CFAP58: variants seen among roughly 807,000 people sequenced by gnomAD.
CFAP58 encodes the protein cilia and flagella associated protein 58.
Under a neutral mutation model 119.5 loss-of-function variants are expected in CFAP58, and 88 were observed. The observed-to-expected ratio is 0.74, with a 90% CI of 0.62 to 0.88. The LOEUF is 0.88. CFAP58 is among the 40% of genes least tolerant of loss of function. The pLI, the probability that CFAP58 is intolerant of heterozygous loss-of-function variation, is 0.00. For missense variants in CFAP58, 990 were observed against 1,021.2 expected (o/e 0.97, Z 0.42); for synonymous variants, 365 against 366.3 (o/e 1.00, Z 0.04).
intron 15 of CFAP58, among the ~76,000 whole-genome samples, chr10:104,444,474 TGGG>T (rs1162760915): frequency 2.6e-5 from 4 of 152,232 alleles, no homozygotes; most frequent in Non-Finnish European, 5.9e-5. Context: ...TGTCTCTAAA[TGGG>T]GTTATTATAC....
At chr10:104,353,640 T>G, upstream of CFAP58, 2 of 489,834 alleles carry the variant, frequency 4.1e-6, no homozygotes, top group Non-Finnish European at 7.4e-6. Flanking sequence ...CTCCGCCCCA[T>G]TGGGATATAT....
intron 7 of CFAP58, among the ~76,000 whole-genome samples, chr10:104,375,084 G>A (rs1424719468): frequency 6.6e-6 from 1 of 151,518 alleles, no homozygotes; most frequent in African/African-American, 2.4e-5. Flanking sequence ...AACACCAAAT[G>A]TTGAAACCAT....
chr10:104,440,727 A>G (rs2013023156), intron 15 of CFAP58, among the ~76,000 whole-genome samples: 1 of 152,218 alleles, frequency 6.6e-6, no homozygotes, highest in Non-Finnish European at 1.5e-5. Flanking sequence ...GATTAACTTC[A>G]AGTGGCTTTA....
At chr10:104,447,571 A>C in intron 15 of CFAP58, 127 bp from the exon 16 acceptor site, 9 of 1,068,306 alleles carry the variant, frequency 8.4e-6, no homozygotes, top group Non-Finnish European at 1.1e-5. Context: ...CTGTGAGTGA[A>C]TGTGATCACT....
chr10:104,450,850 G>T (rs2013184936), intron 17 of CFAP58, among the ~76,000 whole-genome samples: 1 of 151,984 alleles, frequency 6.6e-6, no homozygotes, highest in African/African-American at 2.4e-5. Context: ...TGCCTGCCTA[G>T]GTTTTTAGAT....
chr10:104,342,717 T>C, the CFAP58 span, among the ~76,000 whole-genome samples: 3 of 148,906 alleles, frequency 2.0e-5, no homozygotes, highest in African/African-American at 4.9e-5. Context: ...TGGTGGTGCG[T>C]GCCTGTAATT....
At chr10:104,432,507 C>CTTT (rs747229634) in intron 15 of CFAP58, among the ~76,000 whole-genome samples, 1 of 143,654 alleles carries the variant, frequency 7.0e-6, no homozygotes, top group Non-Finnish European at 1.5e-5. Flanking sequence ...GTAATAGGCA[C>CTTT]TTTTTTTTTT....
At chr10:104,400,446 C>G (rs908573917) in intron 12 of CFAP58, among the ~76,000 whole-genome samples, 1 of 152,142 alleles carries the variant, frequency 6.6e-6, no homozygotes, top group Admixed American at 6.5e-5. Flanking sequence ...TGTACCCAGC[C>G]TTGGACTACT....
chr10:104,455,055 AC>A lies in CFAP58; in HGVS notation c.*526del, dbSNP rs1564909975. On this transcript the variant is annotated 3_prime_UTR_variant, in exon 18 of 18. Coordinates refer to ENST00000369704, the MANE Select transcript of CFAP58 (RefSeq NM_001008723.2). ...GGGAAAATCTATTCCAAAGAGACACACTAATAAATACTTCATTATAAAAAAT... is the reference window on the plus strand; with the variant it reads ...GGGAAAATCTATTCCAAAGAGACACATAATAAATACTTCATTATAAAAAAT... 2 of 152,260 alleles carry A rather than the reference AC, an allele frequency of 1.3e-5. No individual in the cohort carries two copies. The highest frequency in any genetic ancestry group is 4.8e-5 in the African/African-American group (2 of 41,466). The allele number at this position is 152,260 out of a possible 1,614,324, so 9.4% of individuals were successfully genotyped here.
At chr10:104,395,901 C>T (rs555826580) in intron 11 of CFAP58, among the ~76,000 whole-genome samples, 13 of 152,330 alleles carry the variant, frequency 8.5e-5, no homozygotes, top group Middle Eastern at 3.4e-3. Context: ...GATAGGCAAA[C>T]GACTGTCTTT....
intron 15 of CFAP58, among the ~76,000 whole-genome samples, chr10:104,437,685 T>A (rs1358085533): frequency 6.6e-6 from 1 of 152,122 alleles, no homozygotes; most frequent in Admixed American, 6.5e-5. Flanking sequence ...TGAACAAGTA[T>A]AAGTATAGGC....
At chr10:104,416,932 T>A (rs2012563613) in intron 15 of CFAP58, among the ~76,000 whole-genome samples, 1 of 152,240 alleles carries the variant, frequency 6.6e-6, no homozygotes, top group Non-Finnish European at 1.5e-5. Flanking sequence ...TGGTCATTCA[T>A]GGAGAAACTT....
At chr10:104,452,870 T>C (rs1248492175) in intron 17 of CFAP58, among the ~76,000 whole-genome samples, 1 of 152,156 alleles carries the variant, frequency 6.6e-6, no homozygotes, top group East Asian at 1.9e-4. Context: ...GTTCCTTTGG[T>C]GGTTCCATCT....
intron 15 of CFAP58, among the ~76,000 whole-genome samples, chr10:104,441,148 G>A (rs566159463): frequency 1.1e-3 from 164 of 152,242 alleles, no homozygotes; most frequent in Non-Finnish European, 2.1e-3. Flanking sequence ...GATTACAGGC[G>A]CCTGCCACCA....
chr10:104,421,891 G>A (rs923009204), intron 15 of CFAP58, among the ~76,000 whole-genome samples: 1 of 152,120 alleles, frequency 6.6e-6, no homozygotes, highest in Non-Finnish European at 1.5e-5. Context: ...TTTTACTTTA[G>A]ACTTAAATTT....
At chr10:104,370,746 C>T (rs1589911776) in intron 6 of CFAP58, 149 bp from the exon 7 acceptor site, 1 of 604,742 alleles carries the variant, frequency 1.7e-6, no homozygotes, top group South Asian at 3.4e-5. Flanking sequence ...TCTCTCAAAA[C>T]CAAATTGTGT....
chr10:104,379,621 G>T (rs564192477), intron 8 of CFAP58, among the ~76,000 whole-genome samples: 10 of 152,152 alleles, frequency 6.6e-5, no homozygotes, highest in Non-Finnish European at 1.5e-4. Flanking sequence ...ATTAGGTTCA[G>T]TTCTAACCTC....
chr10:104,375,229 C>A (rs1016093696), intron 7 of CFAP58, among the ~76,000 whole-genome samples: 2 of 149,736 alleles, frequency 1.3e-5, no homozygotes, highest in Non-Finnish European at 3.0e-5. Context: ...TGTGTATTTA[C>A]AAATATATAT....
At chr10:104,363,019 T>A (rs548766797) in intron 3 of CFAP58, among the ~76,000 whole-genome samples, 1 of 152,198 alleles carries the variant, frequency 6.6e-6, no homozygotes, top group African/African-American at 2.4e-5. Flanking sequence ...GGTCAACTTT[T>A]ATGCCTTCTT....
Sources: gnomAD v4.1 joint callset for allele counts (sites outside exome capture counted in the v4.1 genomes callset) on GRCh38, gnomAD v4.1.1 for gene constraint, MANE v1.5 for transcripts, NCBI Gene and HGNC (gene_info 2026-07-23, HGNC 2026-07-21) for gene names.